Variants in ATP8A1 observed in about 807,000 individuals in gnomAD.
The protein encoded by ATP8A1 is phospholipid-transporting ATPase IA.
Under a neutral mutation model 177.7 loss-of-function variants are expected in ATP8A1, and 90 were observed. The observed-to-expected ratio is 0.51, with a 90% CI of 0.43 to 0.60. ATP8A1 has a LOEUF of 0.60. ATP8A1 is among the 20% of genes least tolerant of loss of function. ATP8A1 has a pLI of 0.00. For missense variants in ATP8A1, 1,072 were observed against 1,392.8 expected (o/e 0.77, Z 3.67); for synonymous variants, 493 against 485.9 (o/e 1.01, Z -0.19).
Position 42,409,393 on chromosome 4 carries a change from T to C in ATP8A1, c.*3523A>G, listed in dbSNP as rs896498035. On this transcript the variant is annotated 3_prime_UTR_variant, in exon 37 of 37. Coordinates refer to ENST00000381668, the MANE Select transcript of ATP8A1 (RefSeq NM_006095.2). ...ACACAAGTGACTTCAGTTATTTTAA[T>C]GTGAGAAAAATCAGACTATGGTATC... 6.6e-6 allele frequency: 1 copy of C among 152,190 alleles called. No individual in the cohort carries two copies. The highest frequency in any genetic ancestry group is 1.5e-5 in the Non-Finnish European group (1 of 67,988). 9.4% of individuals were successfully genotyped at this position (152,190 alleles called of 1,614,324 possible).
chr4:42,516,983 A>C (rs1420874435), intron 22 of ATP8A1, among the ~76,000 whole-genome samples: 1 of 152,174 alleles, frequency 6.6e-6, no homozygotes, highest in African/African-American at 2.4e-5. Context: ...ATTCTTCTTG[A>C]GGAAATACAA....
chr4:42,609,929 T>C (rs1736204186), intron 5 of ATP8A1, among the ~76,000 whole-genome samples: 1 of 152,170 alleles, frequency 6.6e-6, no homozygotes, highest in South Asian at 2.1e-4. Context: ...CCTGTCCCTG[T>C]CCCTCATTGT....
At chr4:42,467,402 G>A (rs1719888889) in intron 25 of ATP8A1, among the ~76,000 whole-genome samples, 1 of 152,176 alleles carries the variant, frequency 6.6e-6, no homozygotes, top group Admixed American at 6.5e-5. Context: ...AGCTTTAAAA[G>A]TGGATGACTG....
intron 13 of ATP8A1, 122 bp from the exon 14 acceptor site, chr4:42,574,829 TTTTC>T: frequency 1.6e-6 from 1 of 633,294 alleles, no homozygotes. Flanking sequence ...TAAGGAACTA[TTTTC>T]TGCCCATTTA....
At chr4:42,640,682 C>T (rs1739882773) in intron 1 of ATP8A1, among the ~76,000 whole-genome samples, 1 of 152,188 alleles carries the variant, frequency 6.6e-6, no homozygotes, top group Non-Finnish European at 1.5e-5. Flanking sequence ...AGGGGTCTCA[C>T]ATACTAAAGC....
At chr4:42,505,717 A>G (rs1386254611) in intron 23 of ATP8A1, among the ~76,000 whole-genome samples, 6 of 152,192 alleles carry the variant, frequency 3.9e-5, no homozygotes, top group Admixed American at 3.9e-4. Flanking sequence ...TACTTCTAAA[A>G]TAAATGTTAG....
intron 21 of ATP8A1, 25 bp from the exon 22 acceptor site, chr4:42,522,324 C>T: frequency 1.2e-6 from 2 of 1,603,098 alleles, no homozygotes; most frequent in Non-Finnish European, 1.7e-6. Context: ...ATACATCACC[C>T]CAACACACCA....
At chr4:42,615,883 T>C in intron 5 of ATP8A1, 150 bp downstream of exon 5, 1 of 659,888 alleles carries the variant, frequency 1.5e-6, no homozygotes, top group South Asian at 2.1e-5. Flanking sequence ...AGTGTCATCC[T>C]AACAAATGCC....
chr4:42,486,048 T>C (rs535105956), intron 24 of ATP8A1, among the ~76,000 whole-genome samples: 1 of 152,304 alleles, frequency 6.6e-6, no homozygotes, highest in East Asian at 1.9e-4. Flanking sequence ...AGTAAGGCCA[T>C]TTTTACTTTT....
intron 4 of ATP8A1, among the ~76,000 whole-genome samples, chr4:42,621,996 G>A (rs1038975545): frequency 5.3e-5 from 8 of 152,150 alleles, no homozygotes; most frequent in African/African-American, 1.4e-4. Flanking sequence ...GTCCCTATTC[G>A]ATAAATAATG....
At chr4:42,635,735 A>T (rs1404958164) in intron 1 of ATP8A1, among the ~76,000 whole-genome samples, 1 of 144,472 alleles carries the variant, frequency 6.9e-6, no homozygotes, top group Non-Finnish European at 1.5e-5. Context: ...ATATACATAC[A>T]CACATATATA....
intron 9 of ATP8A1, among the ~76,000 whole-genome samples, chr4:42,586,017 G>A (rs1287456539): frequency 6.6e-6 from 1 of 152,116 alleles, no homozygotes; most frequent in Non-Finnish European, 1.5e-5. Flanking sequence ...CCTATAACAC[G>A]AGTATTTGGC....
chr4:42,633,911 G>T (rs1739013075), intron 1 of ATP8A1, among the ~76,000 whole-genome samples: 1 of 152,160 alleles, frequency 6.6e-6, no homozygotes, highest in South Asian at 2.1e-4. Flanking sequence ...ACCCAAAAGG[G>T]GGAATAGCAG....
chr4:42,465,318 A>C (rs1231359535), intron 25 of ATP8A1, among the ~76,000 whole-genome samples: 2 of 152,236 alleles, frequency 1.3e-5, no homozygotes, highest in Admixed American at 1.3e-4. Flanking sequence ...TAGAAGAGAG[A>C]ATGCTTTGTT....
At chr4:42,583,750 G>A (rs1733341442) in intron 9 of ATP8A1, among the ~76,000 whole-genome samples, 1 of 152,142 alleles carries the variant, frequency 6.6e-6, no homozygotes, top group South Asian at 2.1e-4. Flanking sequence ...AGATACAAAG[G>A]TCTTGAAAAT....
intron 24 of ATP8A1, among the ~76,000 whole-genome samples, chr4:42,491,041 C>A (rs894657082): frequency 6.6e-6 from 1 of 151,924 alleles, no homozygotes; most frequent in Non-Finnish European, 1.5e-5. Context: ...TGTCTGCTGC[C>A]TGTAAAACTC....
intron 33 of ATP8A1, among the ~76,000 whole-genome samples, chr4:42,440,342 T>G (rs1323843090): frequency 6.6e-6 from 1 of 151,866 alleles, no homozygotes; most frequent in Admixed American, 6.6e-5. Context: ...CCAGTTTTTT[T>G]TTTTTTTTTT....
At chr4:42,449,958 C>A (rs143593304) in intron 30 of ATP8A1, among the ~76,000 whole-genome samples, 2 of 152,122 alleles carry the variant, frequency 1.3e-5, no homozygotes, top group Non-Finnish European at 2.9e-5. Context: ...GTTGAAATAG[C>A]AGTTTAGAAG....
chr4:42,478,026 G>C lies in ATP8A1; in HGVS notation c.2324+7470C>G, dbSNP rs567704863. On this transcript the variant is annotated intron_variant, in intron 25 of 36. Coordinates refer to ENST00000381668, the MANE Select transcript of ATP8A1 (RefSeq NM_006095.2). ...AAAATAAATTCGTTCTACATATAGT[G>C]ACATGGATATGTCTCAAAAACATGT... is the stretch of plus-strand genomic sequence containing the variant. Among the ~76,000 whole-genome samples, 344 of 152,014 alleles carry C rather than the reference G, an allele frequency of 2.3e-3. 1 individual carries two copies. The highest frequency in any genetic ancestry group is 7.8e-3 in the African/African-American group (323 of 41,468).
Sources: allele counts gnomAD v4.1 joint callset (sites outside exome capture counted in the v4.1 genomes callset), GRCh38; gene constraint gnomAD v4.1.1; transcripts MANE v1.5; gene names NCBI Gene and HGNC (gene_info 2026-07-23, HGNC 2026-07-21).